Variants in XPOT observed in about 807,000 individuals in gnomAD.
XPOT encodes exportin-T.
A neutral mutation model predicts 128.2 loss-of-function variants in XPOT; 34 were observed. The observed-to-expected ratio is 0.27, with a 90% CI of 0.20 to 0.35. The LOEUF is 0.35. Among genes scored for constraint, XPOT ranks in the 10% least tolerant of loss-of-function variants. XPOT has a pLI of 1.00. For synonymous variants in XPOT, 348 were observed against 394.3 expected (o/e 0.88, Z 1.39); for missense variants, 838 against 1,125.3 (o/e 0.74, Z 3.65).
intron 12 of XPOT, 54 bp from the exon 13 acceptor site, chr12:64,424,984 T>C (rs1177679091): frequency 6.2e-7 from 1 of 1,603,052 alleles, no homozygotes; most frequent in African/African-American, 1.3e-5. Flanking sequence ...TGTGCATAAT[T>C]TGCTGTATGA....
At chr12:64,446,398 C>T (rs928689551) in intron 24 of XPOT, among the ~76,000 whole-genome samples, 1 of 152,132 alleles carries the variant, frequency 6.6e-6, no homozygotes, top group African/African-American at 2.4e-5. Flanking sequence ...GTGTTCACTC[C>T]TCCCTTCACA....
chr12:64,410,211 AAAAATT>A, intron 2 of XPOT, 116 bp downstream of exon 2: 1 of 860,572 alleles, frequency 1.2e-6, no homozygotes, highest in Non-Finnish European at 1.8e-6. Context: ...ACAGAAACAA[AAAAATT>A]TGAGGTATTT....
intron 17 of XPOT, among the ~76,000 whole-genome samples, chr12:64,430,584 C>T (rs535830695): frequency 4.6e-5 from 7 of 152,034 alleles, no homozygotes; most frequent in South Asian, 2.1e-4. Context: ...TATATTGGGA[C>T]GGGACATCTT....
chr12:64,433,464 A>G lies in XPOT; in HGVS notation c.2313A>G (p.Ala771=). ...AGATGTTCATGCCCCTGCTTCATGC[A>G]ATTTTTGAAGTGCTGCTCCGGCCAG... The part of the protein sequence containing the change: ...LQQMFMPLLH[A]IFEVLLRPAE... Residue 771 remains alanine, a synonymous_variant, in exon 19 of 25, where the codon GCA becomes GCG. Transcript: ENST00000332707. 2 of 1,602,402 alleles carry G rather than the reference A, an allele frequency of 1.2e-6. No individual in the cohort carries two copies. The highest frequency in any genetic ancestry group is 1.7e-6 in the Non-Finnish European group (2 of 1,172,354).
At chr12:64,435,517 T>A in intron 21 of XPOT, 110 bp from the exon 22 acceptor site, 6 of 850,722 alleles carry the variant, frequency 7.1e-6, no homozygotes, top group Non-Finnish European at 9.8e-6. Flanking sequence ...AATATTTCTC[T>A]GGAAATATTT....
intron 17 of XPOT, among the ~76,000 whole-genome samples, 185 bp downstream of exon 17, chr12:64,430,472 A>G (rs552144754): frequency 1.3e-5 from 2 of 152,316 alleles, no homozygotes; most frequent in East Asian, 1.9e-4. Context: ...TACCATTTAC[A>G]TTTTTGCCTT....
intron 1 of XPOT, among the ~76,000 whole-genome samples, chr12:64,406,375 G>A (rs1386160898): frequency 6.6e-6 from 1 of 151,388 alleles, no homozygotes; most frequent in Non-Finnish European, 1.5e-5. Context: ...TGCCCAGCCA[G>A]CAATTTTTTT....
Position 64,433,615 on chromosome 12 carries a change from T to C in XPOT, c.2452+12T>C. Reference sequence around the variant, plus strand: ...TATAGCAAATCAAGGTGGGAACACATGCCATATCTAATTTGTCTGCTTAAG... The same window carrying C: ...TATAGCAAATCAAGGTGGGAACACACGCCATATCTAATTTGTCTGCTTAAG... On this transcript the variant is annotated intron_variant, in intron 19 of 24. Coordinates refer to ENST00000332707, the MANE Select transcript of XPOT (RefSeq NM_007235.6). 6.3e-7 allele frequency: 1 copy of C among 1,577,174 alleles called. No homozygotes were observed. Among genetic ancestry groups the C allele is most frequent in the Non-Finnish European group, 8.7e-7 (1 of 1,155,968 alleles).
chr12:64,429,965 T>C, intron 16 of XPOT, 84 bp from the exon 17 acceptor site: 2 of 1,264,716 alleles, frequency 1.6e-6, no homozygotes, highest in Non-Finnish European at 2.2e-6. Context: ...ATAGATTACA[T>C]TTCCTGTTCC....
At chr12:64,447,803 A>G (rs1176778213) in intron 24 of XPOT, among the ~76,000 whole-genome samples, 1 of 152,136 alleles carries the variant, frequency 6.6e-6, no homozygotes, top group Admixed American at 6.6e-5. Flanking sequence ...AATAGTACCA[A>G]TCAGTAAAAA....
Position 64,425,128 on chromosome 12 carries a change from T to G in XPOT, c.1398T>G (p.Ala466=), listed in dbSNP as rs941083647. ...LAEALPVSHG[A]HFSGDVSKAS... ...AAGCTCTTCCAGTATCTCATGGTGCTCACTTCTCAGGTGATGTTTCAAAAG... is the reference window on the plus strand; with the variant it reads ...AAGCTCTTCCAGTATCTCATGGTGCGCACTTCTCAGGTGATGTTTCAAAAG... Residue 466 remains alanine (A), a synonymous_variant, in exon 13 of 25, where the codon GCT becomes GCG. Coordinates refer to ENST00000332707, the MANE Select transcript of XPOT (RefSeq NM_007235.6). 1 of 1,614,074 alleles carries G rather than the reference T, an allele frequency of 6.2e-7. No individual in the cohort carries two copies. The highest frequency in any genetic ancestry group is 1.7e-5 in the Admixed American group (1 of 60,022).
chr12:64,449,189 T>G lies in XPOT; in HGVS notation c.*1058T>G, dbSNP rs1055058495. 4 of 81,048 alleles carry G rather than the reference T, an allele frequency of 4.9e-5. No individual in the cohort carries two copies. Among genetic ancestry groups the G allele is most frequent in the African/African-American group, 1.7e-4 (4 of 23,190 alleles). 5.0% of individuals were successfully genotyped at this position (81,048 alleles called of 1,614,324 possible). A position where few individuals can be genotyped will look rare whatever the true frequency, so the allele number is the denominator to read the frequency against. On this transcript the variant is annotated 3_prime_UTR_variant, in exon 25 of 25. Transcript: ENST00000332707. ...CAGCCTGGGCAAGAGAGTAAGACTC[T>G]CTCTCAAAAAAAAAAAAAAAGAATT...
chr12:64,433,050 C>T (rs1038154664), intron 18 of XPOT, among the ~76,000 whole-genome samples: 1 of 152,140 alleles, frequency 6.6e-6, no homozygotes, highest in African/African-American at 2.4e-5. Flanking sequence ...AGCAGTTCCC[C>T]TGCGTCAGCC....
At chr12:64,425,762 T>C in intron 14 of XPOT, 53 bp from the exon 15 acceptor site, 1 of 1,559,008 alleles carries the variant, frequency 6.4e-7, no homozygotes, top group Non-Finnish European at 8.8e-7. Context: ...CAGGACAATA[T>C]CAACAAAACC....
chr12:64,436,376 A>G (rs2040282207), intron 22 of XPOT, among the ~76,000 whole-genome samples: 1 of 151,460 alleles, frequency 6.6e-6, no homozygotes, highest in Admixed American at 6.6e-5. Flanking sequence ...TCCCATCTCA[A>G]TCTCCAGAGT....
rs575721260 is a variant in XPOT, at chr12:64,410,170, C to G, written c.60+75C>G. 10 of 1,421,850 alleles carry G rather than the reference C, an allele frequency of 7.0e-6. No homozygotes were observed. The East Asian group carries it at 2.3e-4, about 33-fold the overall frequency. The allele number at this position is 1,421,850 out of a possible 1,614,324, so 88.1% of individuals were successfully genotyped here. Reference sequence around the variant, plus strand: ...ATTAGAGGACTTGAATAAAAATGCACCTGGCAAAAGTTTACTTTGGGTAGA... The same window carrying G: ...ATTAGAGGACTTGAATAAAAATGCAGCTGGCAAAAGTTTACTTTGGGTAGA... On this transcript the variant is annotated intron_variant, in intron 2 of 24. Transcript: ENST00000332707.
At chr12:64,432,645 T>G (rs1433158248) in intron 18 of XPOT, among the ~76,000 whole-genome samples, 2 of 152,170 alleles carry the variant, frequency 1.3e-5, no homozygotes, top group African/African-American at 2.4e-5. Flanking sequence ...ATGTTATAGT[T>G]GAGGAAACTG....
At chr12:64,427,640 G>T (rs779591464) in intron 15 of XPOT, among the ~76,000 whole-genome samples, 2 of 152,008 alleles carry the variant, frequency 1.3e-5, no homozygotes, top group Non-Finnish European at 2.9e-5. Flanking sequence ...GGGACTACAG[G>T]CGTGTGACGA....
chr12:64,425,781 A>C, intron 14 of XPOT, 34 bp from the exon 15 acceptor site: 1 of 1,598,900 alleles, frequency 6.3e-7, no homozygotes, highest in South Asian at 1.1e-5. Context: ...CCCTTGAAAA[A>C]ATGCAGAAAT....
Sources: allele counts gnomAD v4.1 joint callset (sites outside exome capture counted in the v4.1 genomes callset), GRCh38; gene constraint gnomAD v4.1.1; transcripts MANE v1.5; gene names NCBI Gene and HGNC (gene_info 2026-07-23, HGNC 2026-07-21).